The following ZNF532 variants were observed in gnomAD, a reference collection of about 807,000 sequenced individuals.
ZNF532 encodes the protein zinc finger protein 532.
ZNF532 carries 22 observed loss-of-function variants against 89.3 expected under a neutral mutation model. The observed-to-expected ratio is 0.25, with a 90% confidence interval of 0.18 to 0.35. The LOEUF is 0.35. Among genes scored for constraint, ZNF532 ranks in the 10% least tolerant of loss-of-function variants. The pLI is 1.00. For missense variants in ZNF532, 1,132 were observed against 1,643.4 expected (o/e 0.69, Z 5.38); for synonymous variants, 606 against 649.6 (o/e 0.93, Z 1.02).
chr18:58,944,006 A>G (rs942650686), intron 5 of ZNF532, among the ~76,000 whole-genome samples: 4 of 152,236 alleles, frequency 2.6e-5, no homozygotes, highest in Non-Finnish European at 4.4e-5. Flanking sequence ...AGGAAGCTGA[A>G]TTTGAACTTT....
chr18:58,934,321 T>G, intron 3 of ZNF532, 112 bp from the exon 4 acceptor site: 1 of 983,378 alleles, frequency 1.0e-6, no homozygotes, highest in Non-Finnish European at 1.5e-6. Context: ...AATCAATTAC[T>G]GTAGTGTTTG....
chr18:58,977,266 A>G (rs2067166458), intron 7 of ZNF532, among the ~76,000 whole-genome samples: 1 of 152,208 alleles, frequency 6.6e-6, no homozygotes, highest in Non-Finnish European at 1.5e-5. Context: ...GACTATTACA[A>G]GAGCATTTCC....
chr18:58,931,109 G>A (rs1244206003), intron 3 of ZNF532, among the ~76,000 whole-genome samples: 1 of 152,122 alleles, frequency 6.6e-6, no homozygotes, highest in Non-Finnish European at 1.5e-5. Flanking sequence ...TATTACCTAA[G>A]TACCGAAAAC....
intron 2 of ZNF532, among the ~76,000 whole-genome samples, chr18:58,880,765 C>CGTGT (rs1367707974): frequency 0.023 from 2,964 of 131,172 alleles, 122 homozygotes; most frequent in African/African-American, 0.08. Flanking sequence ...CGCGCGCACG[C>CGTGT]GCGCGCGTCT....
At chr18:58,943,151 A>C (rs1162993738) in intron 5 of ZNF532, among the ~76,000 whole-genome samples, 2 of 145,814 alleles carry the variant, frequency 1.4e-5, no homozygotes, top group Non-Finnish European at 3.0e-5. Flanking sequence ...ACTGTCCATT[A>C]CTATATCTTT....
At chr18:58,892,406 G>T (rs12454193) in intron 2 of ZNF532, among the ~76,000 whole-genome samples, 61,269 of 151,998 alleles carry the variant, frequency 0.4, 12,780 homozygotes, top group East Asian at 0.56. Context: ...ACGGTATCTG[G>T]GATATGTTAC....
intron 2 of ZNF532, among the ~76,000 whole-genome samples, chr18:58,888,724 T>TAA (rs1555708968): frequency 7.9e-5 from 3 of 37,824 alleles, no homozygotes; most frequent in South Asian, 7.1e-4. Context: ...TATATATATA[T>TAA]AAATTATATA....
chr18:58,924,045 C>T (rs571647732), intron 3 of ZNF532, among the ~76,000 whole-genome samples: 2 of 152,190 alleles, frequency 1.3e-5, no homozygotes, highest in African/African-American at 2.4e-5. Flanking sequence ...TTAGTAGAGA[C>T]GGGGTTTCAC....
chr18:58,930,754 A>G (rs958083707), intron 3 of ZNF532, among the ~76,000 whole-genome samples: 2 of 152,142 alleles, frequency 1.3e-5, no homozygotes, highest in African/African-American at 4.8e-5. Flanking sequence ...TAGTATTTGC[A>G]TATAACCTAA....
At chr18:58,951,637 C>T (rs78027460) in intron 6 of ZNF532, among the ~76,000 whole-genome samples, 1,151 of 78,992 alleles carry the variant, frequency 0.015, 24 homozygotes, top group African/African-American at 0.054. Context: ...CCTCAGCCCT[C>T]GCCCTGTTGT....
At chr18:58,913,578 C>T (rs1164762055) in intron 2 of ZNF532, among the ~76,000 whole-genome samples, 2 of 151,120 alleles carry the variant, frequency 1.3e-5, no homozygotes, top group Non-Finnish European at 2.9e-5. Context: ...TAGTGAGACC[C>T]CATCCTAAAA....
intron 2 of ZNF532, among the ~76,000 whole-genome samples, chr18:58,871,270 A>G (rs999062021): frequency 2.0e-5 from 3 of 152,106 alleles, no homozygotes; most frequent in Non-Finnish European, 1.5e-5. Context: ...GGGTCCTGCT[A>G]TGTTGCCCAG....
intron 2 of ZNF532, among the ~76,000 whole-genome samples, chr18:58,884,325 G>A (rs1465343288): frequency 6.6e-6 from 1 of 152,262 alleles, no homozygotes; most frequent in Non-Finnish European, 1.5e-5. Flanking sequence ...AGGTTGCAGT[G>A]AGCCAAGATT....
At chr18:58,975,186 G>A (rs2066903724) in intron 7 of ZNF532, among the ~76,000 whole-genome samples, 1 of 152,096 alleles carries the variant, frequency 6.6e-6, no homozygotes, top group Non-Finnish European at 1.5e-5. Flanking sequence ...TCATAAAAAG[G>A]TGTGAGCTGA....
At chr18:58,882,305 T>A (rs2057988015) in intron 2 of ZNF532, among the ~76,000 whole-genome samples, 1 of 152,148 alleles carries the variant, frequency 6.6e-6, no homozygotes, top group South Asian at 2.1e-4. Context: ...TCATCTTGGG[T>A]TGATGCAGAG....
rs1307927947 is a variant in ZNF532 at position 58,939,363 on chromosome 18, G to C, written c.2529-82G>C. On this transcript the variant is annotated intron_variant, in intron 4 of 9. Transcript: ENST00000591808. ...TTAAAAACCTAAAAGGGCTATGAAA[G>C]TGTGTTCATCTCACCCAGTTTTTGC... 3 of 1,172,258 alleles carry C rather than the reference G, an allele frequency of 2.6e-6. No individual in the cohort carries two copies. The South Asian group carries it at 5.6e-5, about 22-fold the overall frequency. 72.6% of individuals were successfully genotyped at this position (1,172,258 alleles called of 1,614,324 possible). A position where few individuals can be genotyped will look rare whatever the true frequency, so the allele number is the denominator to read the frequency against.
intron 7 of ZNF532, among the ~76,000 whole-genome samples, chr18:58,959,253 G>GTTTTTTTTTTTTTTTTTTTTTTTTT (rs201150500): frequency 3.3e-5 from 4 of 121,680 alleles, no homozygotes; most frequent in Non-Finnish European, 4.8e-5. Flanking sequence ...TCAGTTTTTT[G>GTTTTTTTTTTTTTTTTTTTTTTTTT]TTTTTTGTTT....
At chr18:58,888,848 TA>T (rs1454812505) in intron 2 of ZNF532, among the ~76,000 whole-genome samples, 10 of 57,976 alleles carry the variant, frequency 1.7e-4, no homozygotes, top group African/African-American at 8.7e-4. Context: ...AATTTATATA[TA>T]TATAATTTAT....
chr18:58,964,557 GT>G (rs2065718942), intron 7 of ZNF532, among the ~76,000 whole-genome samples: 1 of 150,486 alleles, frequency 6.6e-6, no homozygotes, highest in African/African-American at 2.4e-5. Flanking sequence ...GTGTGTGTGT[GT>G]GTGTGTGTGT....
Sources: allele counts gnomAD v4.1 joint callset (sites outside exome capture counted in the v4.1 genomes callset), GRCh38; gene constraint gnomAD v4.1.1; transcripts MANE v1.5; gene names NCBI Gene and HGNC (gene_info 2026-07-23, HGNC 2026-07-21).